Variants in VPS50 observed in about 807,000 individuals in gnomAD.
VPS50 encodes syndetin.
In VPS50, 70 loss-of-function variants were observed where a neutral mutation model predicts 139.7. That is an observed-to-expected ratio of 0.50 (90% CI 0.41 to 0.61). The LOEUF (loss-of-function observed/expected upper bound fraction) is 0.61. Among genes scored for constraint, VPS50 ranks in the 20% least tolerant of loss-of-function variants. The pLI is 0.00. For missense variants in VPS50, 921 were observed against 1,133.7 expected, an observed-to-expected ratio of 0.81 and a Z score of 2.69; for synonymous variants, 365 against 376.7, an observed-to-expected ratio of 0.97 and a Z score of 0.36.
At chr7:93,270,712 A>T (rs561452514) in intron 9 of VPS50, among the ~76,000 whole-genome samples, 1 of 151,920 alleles carries the variant, frequency 6.6e-6, no homozygotes, top group Non-Finnish European at 1.5e-5. Flanking sequence ...TGTTTGCTCA[A>T]CGTCCTTGCC....
Position 93,360,206 on chromosome 7 carries a change from T to C in VPS50, c.*1770T>C, listed in dbSNP as rs374654008. Reference sequence around the variant, plus strand: ...TGGTTTCCTTTAATTTCTACTTTAGTTGGCCCTAGATAATATGAACAGGAA... The same window carrying C: ...TGGTTTCCTTTAATTTCTACTTTAGCTGGCCCTAGATAATATGAACAGGAA... On this transcript the variant is annotated 3_prime_UTR_variant, in exon 28 of 28. Coordinates refer to ENST00000305866, the MANE Select transcript of VPS50 (RefSeq NM_017667.4). 1.4e-4 allele frequency: 21 copies of C among 152,228 alleles called. No individual in the cohort carries two copies. Among genetic ancestry groups the C allele is most frequent in the African/African-American group, 4.6e-4 (19 of 41,544 alleles). 9.4% of individuals were successfully genotyped at this position (152,228 alleles called of 1,614,324 possible). A position where few individuals can be genotyped will look rare whatever the true frequency, so the allele number is the denominator to read the frequency against.
At position 93,359,232 on chromosome 7, in the gene VPS50, G is replaced by T. The variant is rs2285506; in HGVS notation, c.*796G>T. On this transcript the variant is annotated 3_prime_UTR_variant, in exon 28 of 28. Coordinates refer to ENST00000305866, the MANE Select transcript of VPS50 (RefSeq NM_017667.4). ...TTATCTTTCTTTATAAAAATATGTG[G>T]TTTTTTTGTTGAAAGTTTTGGTCTC... The T allele has an allele frequency of 0.5, 76,661 of 151,880 alleles. 19,714 individuals are homozygous for T. The highest frequency in any genetic ancestry group is 0.72 in the East Asian group (3,737 of 5,170). The allele number at this position is 151,880 out of a possible 1,614,324, so 9.4% of individuals were successfully genotyped here. A position where few individuals can be genotyped will look rare whatever the true frequency, so the allele number is the denominator to read the frequency against.
At position 93,326,323 on chromosome 7, in the gene VPS50, G is replaced by A. The variant is rs566008281; in HGVS notation, c.1977+2591G>A. On this transcript the variant is annotated intron_variant, in intron 21 of 27. Transcript: ENST00000305866. ...GGGGTGGGGGGAGGGGGGAGGGATA[G>A]CATTAGGAGATATACCTAATGCTAA... 4.2e-5 allele frequency among the ~76,000 whole-genome samples: 6 copies of A among 143,152 alleles called. No individual in the cohort carries two copies. In the East Asian group the frequency reaches 1.3e-3, roughly 30 times the overall value. 93.9% of individuals were successfully genotyped at this position (143,152 alleles called of 152,430 possible). A position where few individuals can be genotyped will look rare whatever the true frequency, so the allele number is the denominator to read the frequency against.
intron 19 of VPS50, among the ~76,000 whole-genome samples, chr7:93,310,668 T>C (rs1797242025): frequency 6.6e-6 from 1 of 152,032 alleles, no homozygotes; most frequent in African/African-American, 2.4e-5. Context: ...CCTTGTACTT[T>C]TCTGAGCGCA....
chr7:93,272,912 T>A, intron 11 of VPS50, 179 bp downstream of exon 11: 1 of 422,880 alleles, frequency 2.4e-6, no homozygotes, highest in South Asian at 3.6e-5. Flanking sequence ...GTATATAATG[T>A]GGTTAAAACA....
intron 1 of VPS50, among the ~76,000 whole-genome samples, chr7:93,237,107 C>G (rs1393050560): frequency 6.6e-6 from 1 of 151,086 alleles, no homozygotes; most frequent in South Asian, 2.1e-4. Context: ...CCCGCCACCA[C>G]GCCCGGCTAA....
intron 9 of VPS50, among the ~76,000 whole-genome samples, chr7:93,269,398 C>T (rs189794715): frequency 6.6e-6 from 1 of 152,154 alleles, no homozygotes; most frequent in Non-Finnish European, 1.5e-5. Context: ...CAGTCCTACA[C>T]TGTTAATTGT....
At position 93,249,789 on chromosome 7, in the gene VPS50, A is replaced by G. The variant is rs532631597; in HGVS notation, c.103-2864A>G. On this transcript the variant is annotated intron_variant, in intron 2 of 27. Transcript: ENST00000305866. ...TGGACTTTTAGGGAAAGAGATTTCC[A>G]GGAAGTGCAGACCTCCTCTTCCATT... is the stretch of plus-strand genomic sequence containing the variant. 3.3e-5 allele frequency among the ~76,000 whole-genome samples: 5 copies of G among 152,270 alleles called. No individual in the cohort carries two copies. The South Asian group carries it at 1.0e-3, about 32-fold the overall frequency.
intron 1 of VPS50, among the ~76,000 whole-genome samples, chr7:93,237,842 C>T (rs939924513): frequency 2.6e-5 from 4 of 151,802 alleles, no homozygotes; most frequent in African/African-American, 4.8e-5. Context: ...ATTTTGTCAC[C>T]CAAGTATTAA....
chr7:93,254,569 G>A (rs1378676111), intron 4 of VPS50, among the ~76,000 whole-genome samples: 1 of 152,140 alleles, frequency 6.6e-6, no homozygotes, highest in African/African-American at 2.4e-5. Flanking sequence ...GCCTGGCCCT[G>A]TAATGGAGTA....
intron 26 of VPS50, among the ~76,000 whole-genome samples, chr7:93,354,760 C>T (rs1220476491): frequency 1.3e-5 from 2 of 152,006 alleles, no homozygotes; most frequent in African/African-American, 4.8e-5. Flanking sequence ...CTTACTCTGC[C>T]CATAACATCT....
At position 93,238,565 on chromosome 7, in the gene VPS50, T is replaced by G. The variant is rs73415344; in HGVS notation, c.34-1301T>G. Among the ~76,000 whole-genome samples the G allele has an allele frequency of 5.0e-3, 764 of 152,238 alleles. 9 individuals are homozygous for G. Among genetic ancestry groups the G allele is most frequent in the African/African-American group, 0.017 (721 of 41,528 alleles). On this transcript the variant is annotated intron_variant, in intron 1 of 27. Coordinates refer to ENST00000305866, the MANE Select transcript of VPS50 (RefSeq NM_017667.4). ...ATTTAAAATTTAAAACTTTACTACT[T>G]TGGCTGAGGTATTGTCTTGGAAGAT...
At chr7:93,237,971 T>C (rs1054525770) in intron 1 of VPS50, among the ~76,000 whole-genome samples, 1 of 152,212 alleles carries the variant, frequency 6.6e-6, no homozygotes, top group African/African-American at 2.4e-5. Context: ...GATGGGTTTA[T>C]TGGAACATAA....
intron 12 of VPS50, among the ~76,000 whole-genome samples, chr7:93,277,247 A>G (rs1478614250): frequency 6.6e-6 from 1 of 152,160 alleles, no homozygotes; most frequent in East Asian, 1.9e-4. Flanking sequence ...GAAGAATGGA[A>G]CCTATGTCAG....
At position 93,299,739 on chromosome 7, in the gene VPS50, G is replaced by A. The variant is rs143593248; in HGVS notation, c.1361+2496G>A. Among the ~76,000 whole-genome samples the A allele has an allele frequency of 6.6e-4, 101 of 152,124 alleles. 1 individual carries two copies. Among genetic ancestry groups the A allele is most frequent in the Middle Eastern group, 3.4e-3 (1 of 294 alleles). On this transcript the variant is annotated intron_variant, in intron 16 of 27. Transcript: ENST00000305866. ...GATAAAACTGTATGAACACATGAGG[G>A]AACACAGCGTCTATTATTGATTGTT...
intron 1 of VPS50, among the ~76,000 whole-genome samples, chr7:93,232,712 T>C (rs1365889451): frequency 6.6e-6 from 1 of 152,064 alleles, no homozygotes; most frequent in Non-Finnish European, 1.5e-5. Context: ...CCCAGAAATA[T>C]TCGTTTAAAA....
At chr7:93,296,680 C>T in intron 14 of VPS50, 62 bp from the exon 15 acceptor site, 1 of 1,560,180 alleles carries the variant, frequency 6.4e-7, no homozygotes, top group Non-Finnish European at 8.6e-7. Context: ...AGAGTAAATG[C>T]TTCTGATAAC....
chr7:93,293,916 G>A (rs182377836), intron 13 of VPS50, among the ~76,000 whole-genome samples: 299 of 152,220 alleles, frequency 2.0e-3, no homozygotes, highest in Admixed American at 3.2e-3. Flanking sequence ...AAGACAAGAT[G>A]ATAACATACT....
intron 19 of VPS50, among the ~76,000 whole-genome samples, chr7:93,310,845 T>A (rs1208031823): frequency 6.6e-6 from 1 of 152,104 alleles, no homozygotes; most frequent in East Asian, 1.9e-4. Flanking sequence ...TTTTCATAAG[T>A]TTCTGAAATC....
Sources: gnomAD v4.1 joint callset for allele counts (sites outside exome capture counted in the v4.1 genomes callset) on GRCh38, gnomAD v4.1.1 for gene constraint, MANE v1.5 for transcripts, NCBI Gene and HGNC (gene_info 2026-07-23, HGNC 2026-07-21) for gene names.